The following SCCPDH variants were observed in gnomAD, a reference collection of about 807,000 sequenced individuals.
The protein encoded by SCCPDH is saccharopine dehydrogenase (putative).
Under a neutral mutation model 51.5 loss-of-function variants are expected in SCCPDH, and 34 were observed. The observed-to-expected ratio is 0.66, with a 90% CI of 0.50 to 0.88. The LOEUF is 0.88. Ranked by LOEUF, SCCPDH falls within the 40% of genes least tolerant of loss-of-function variation. SCCPDH has a pLI of 0.00. For synonymous variants in SCCPDH, 187 were observed against 191.3 expected (o/e 0.98, Z 0.19); for missense variants, 464 against 527.1 (o/e 0.88, Z 1.17).
chr1:246,753,250 T>C (rs1288746351), intron 5 of SCCPDH, among the ~76,000 whole-genome samples: 1 of 152,104 alleles, frequency 6.6e-6, no homozygotes, highest in Non-Finnish European at 1.5e-5. Flanking sequence ...ACAGCAGAAT[T>C]TTTGCTTTCT....
At position 246,740,743 on chromosome 1, in the gene SCCPDH, T is replaced by G. The variant is rs1303193535; in HGVS notation, c.514+442T>G. 2.0e-5 allele frequency among the ~76,000 whole-genome samples: 3 copies of G among 152,270 alleles called. No individual in the cohort carries two copies. The East Asian group carries it at 5.8e-4, about 29-fold the overall frequency. ...GAGAAAATAATGTTACGATAAAACA[T>G]TTGAAGTTACTGATGTTTTGCATAT... On this transcript the variant is annotated intron_variant, in intron 4 of 11. Coordinates refer to ENST00000366510, the MANE Select transcript of SCCPDH (RefSeq NM_016002.3).
At position 246,760,061 on chromosome 1, in the gene SCCPDH, G is replaced by T; in HGVS notation, c.918G>T (p.Arg306Ser). 1.2e-6 allele frequency: 2 copies of T among 1,611,962 alleles called. No homozygotes were observed. The highest frequency in any genetic ancestry group is 2.7e-5 in the African/African-American group (2 of 74,962). ...FLFFVRFGIG[R>S]QLLIKFPWFF... ...TCTTTGTGAGGTTTGGAATTGGAAG[G>T]CAACTTCTCATAAAAGTAAGTAAGA... Residue 306 changes from arginine to serine, a missense_variant, in exon 8 of 12, where the codon AGG becomes AGT. By Grantham distance (110) the Arg-to-Ser change is moderately radical. Transcript: ENST00000366510.
At position 246,767,361 on chromosome 1, in the gene SCCPDH, TTTGAAATTC is replaced by T. The variant is rs1669101237; in HGVS notation, c.*64_*72del. On this transcript the variant is annotated 3_prime_UTR_variant, in exon 12 of 12. Coordinates refer to ENST00000366510, the MANE Select transcript of SCCPDH (RefSeq NM_016002.3). ...GAATTAACAGCTTCTCTATTTGATATTTGAAATTCTTCTGTAAGCCTGTCTGAGTGTATG... is the reference window on the plus strand; with the variant it reads ...GAATTAACAGCTTCTCTATTTGATATTTCTGTAAGCCTGTCTGAGTGTATG... The T allele has an allele frequency of 1.1e-6, 1 of 949,870 alleles. No homozygotes were observed. The allele number at this position is 949,870 out of a possible 1,614,324, so 58.8% of individuals were successfully genotyped here.
intron 2 of SCCPDH, among the ~76,000 whole-genome samples, chr1:246,732,185 C>A (rs1668502593): frequency 6.6e-6 from 1 of 152,138 alleles, no homozygotes; most frequent in Non-Finnish European, 1.5e-5. Flanking sequence ...TTTAGAATAA[C>A]AATTTGTTAT....
intron 3 of SCCPDH, among the ~76,000 whole-genome samples, chr1:246,738,028 T>C (rs1668623753): frequency 6.6e-6 from 1 of 152,106 alleles, no homozygotes; most frequent in Admixed American, 6.5e-5. Flanking sequence ...AAACCCCATC[T>C]CTACTAAAAA....
At chr1:246,736,126 G>A (rs1425589342) in intron 3 of SCCPDH, 71 bp downstream of exon 3, 1 of 1,004,016 alleles carries the variant, frequency 1.0e-6, no homozygotes, top group Non-Finnish European at 1.5e-6. Flanking sequence ...GAAATATTTA[G>A]TGTAATTTTG....
chr1:246,765,983 C>A, intron 10 of SCCPDH, 75 bp from the exon 11 acceptor site: 1 of 949,558 alleles, frequency 1.1e-6, no homozygotes, highest in Non-Finnish European at 1.6e-6. Context: ...ATAAAATCTA[C>A]CATTTGATTT....
chr1:246,743,977 A>T (rs1668718718), intron 4 of SCCPDH, 99 bp from the exon 5 acceptor site: 1 of 690,810 alleles, frequency 1.4e-6, no homozygotes, highest in South Asian at 1.9e-5. Context: ...GGCTTAGAAA[A>T]GCTAGTCCCT....
At chr1:246,751,484 T>C (rs1668850004) in intron 5 of SCCPDH, among the ~76,000 whole-genome samples, 1 of 152,212 alleles carries the variant, frequency 6.6e-6, no homozygotes, top group Non-Finnish European at 1.5e-5. Flanking sequence ...AAAATCCACA[T>C]TCTTATGCCT....
At chr1:246,739,094 T>C (rs1255760016) in intron 3 of SCCPDH, among the ~76,000 whole-genome samples, 2 of 151,946 alleles carry the variant, frequency 1.3e-5, no homozygotes, top group African/African-American at 4.8e-5. Flanking sequence ...CATGAATGGG[T>C]GTGTGTGGTG....
chr1:246,725,380 G>A (rs1668380603), intron 1 of SCCPDH, among the ~76,000 whole-genome samples: 1 of 152,116 alleles, frequency 6.6e-6, no homozygotes, highest in African/African-American at 2.4e-5. Context: ...CCCGAGTCTG[G>A]GGTGCAGGAT....
intron 2 of SCCPDH, 114 bp from the exon 3 acceptor site, chr1:246,735,861 A>G (rs1474592204): frequency 8.9e-6 from 6 of 671,980 alleles, no homozygotes; most frequent in East Asian, 5.7e-5. Flanking sequence ...AGGCTATTTT[A>G]TTAACAGTTG....
chr1:246,765,662 T>C (rs1669077421), intron 10 of SCCPDH, among the ~76,000 whole-genome samples: 1 of 152,114 alleles, frequency 6.6e-6, no homozygotes, highest in African/African-American at 2.4e-5. Context: ...ACAAAAAACC[T>C]AGGATCATTG....
At chr1:246,731,203 G>C (rs1668485459) in intron 2 of SCCPDH, among the ~76,000 whole-genome samples, 1 of 152,072 alleles carries the variant, frequency 6.6e-6, no homozygotes, top group Non-Finnish European at 1.5e-5. Flanking sequence ...ACAAGCACAG[G>C]GTACTAAGTG....
Position 246,759,027 on chromosome 1 carries a change from C to T in SCCPDH, c.696-7C>T. ...AAATGCAAAATATTCATAGGTCTGTCTTGCAGGTGGCCAATTTCTTATTGT... is the reference window on the plus strand; with the variant it reads ...AAATGCAAAATATTCATAGGTCTGTTTTGCAGGTGGCCAATTTCTTATTGT... On this transcript the variant is annotated splice_polypyrimidine_tract_variant and splice_region_variant and intron_variant, in intron 6 of 11. Transcript: ENST00000366510. The T allele has an allele frequency of 2.7e-6, 4 of 1,463,162 alleles. No individual in the cohort carries two copies. Among genetic ancestry groups the T allele is most frequent in the Non-Finnish European group, 3.8e-6 (4 of 1,042,898 alleles). The allele number at this position is 1,463,162 out of a possible 1,614,324, so 90.6% of individuals were successfully genotyped here.
At chr1:246,752,944 T>C (rs1668870956) in intron 5 of SCCPDH, among the ~76,000 whole-genome samples, 1 of 152,230 alleles carries the variant, frequency 6.6e-6, no homozygotes, top group South Asian at 2.1e-4. Context: ...GTCCTCTTTC[T>C]CTCCCTTTGC....
chr1:246,764,922 T>G (rs1483728001), intron 10 of SCCPDH, among the ~76,000 whole-genome samples: 1 of 151,790 alleles, frequency 6.6e-6, no homozygotes, highest in Non-Finnish European at 1.5e-5. Flanking sequence ...GGTCCACTTG[T>G]GAACTGTGGT....
At chr1:246,734,412 A>G (rs899019806) in intron 2 of SCCPDH, among the ~76,000 whole-genome samples, 3 of 152,194 alleles carry the variant, frequency 2.0e-5, no homozygotes, top group Non-Finnish European at 4.4e-5. Context: ...GTAAATTCAT[A>G]TAGTTAGTAG....
At chr1:246,740,342 C>G (rs1317460884) in intron 4 of SCCPDH, 41 bp downstream of exon 4, 1 of 1,509,996 alleles carries the variant, frequency 6.6e-7, no homozygotes, top group Non-Finnish European at 9.0e-7. Context: ...TTTAACAGTA[C>G]CGTGCAAAGG....
Sources: allele counts gnomAD v4.1 joint callset (sites outside exome capture counted in the v4.1 genomes callset), GRCh38; gene constraint gnomAD v4.1.1; transcripts MANE v1.5; gene names NCBI Gene and HGNC (gene_info 2026-07-23, HGNC 2026-07-21).